Variants in SH3KBP1 observed in about 807,000 individuals in gnomAD.
SH3KBP1 encodes SH3 domain-containing kinase-binding protein 1.
In SH3KBP1, 8 loss-of-function variants were observed where a neutral mutation model predicts 50.1. The ratio of observed to expected loss-of-function variants is 0.16; its 90% CI spans 0.09 to 0.29. The LOEUF (loss-of-function observed/expected upper bound fraction) is 0.29. Among genes scored for constraint, SH3KBP1 ranks in the 10% least tolerant of loss-of-function variants. SH3KBP1 has a pLI of 1.00. For missense variants in SH3KBP1, 377 were observed against 535.2 expected (o/e 0.70, Z 2.92); for synonymous variants, 227 against 218.6 (o/e 1.04, Z -0.34).
chrX:19,580,686 G>A (rs1447684900), intron 12 of SH3KBP1, among the ~76,000 whole-genome samples: 2 of 111,373 alleles, frequency 1.8e-5, no homozygotes, highest in Non-Finnish European at 3.8e-5. Context: ...CCCGTGATTC[G>A]GATGCACGCC....
intron 8 of SH3KBP1, among the ~76,000 whole-genome samples, chrX:19,616,832 G>A (rs1222860766): frequency 1.8e-5 from 2 of 110,795 alleles, no homozygotes; most frequent in Admixed American, 9.6e-5. Context: ...ATAGCACCTC[G>A]TGTTTTTCTA....
intron 9 of SH3KBP1, among the ~76,000 whole-genome samples, chrX:19,596,156 G>C (rs1000381600): frequency 9.0e-6 from 1 of 111,502 alleles, no homozygotes; most frequent in African/African-American, 3.3e-5. Context: ...GTGAAGTTCT[G>C]CCAGTTAACC....
chrX:19,577,369 G>A (rs1320146407), intron 12 of SH3KBP1, among the ~76,000 whole-genome samples: 1 of 111,843 alleles, frequency 8.9e-6, no homozygotes, highest in Non-Finnish European at 1.9e-5. Flanking sequence ...CTTGGAGACA[G>A]TGAGTTATCA....
intron 2 of SH3KBP1, among the ~76,000 whole-genome samples, chrX:19,826,727 T>C (rs1353073403): frequency 9.1e-6 from 1 of 109,560 alleles, no homozygotes; most frequent in Non-Finnish European, 1.9e-5. Context: ...TAACATAACA[T>C]AACATAACAT....
intron 3 of SH3KBP1, 137 bp from the exon 4 acceptor site, chrX:19,707,121 C>T (rs375529736): frequency 3.5e-6 from 2 of 574,159 alleles, no homozygotes; most frequent in Non-Finnish European, 6.3e-6. Context: ...TGAGGCACGG[C>T]AGCCCTGGTC....
intron 13 of SH3KBP1, among the ~76,000 whole-genome samples, chrX:19,557,110 G>T (rs1436478309): frequency 8.9e-6 from 1 of 112,370 alleles, no homozygotes; most frequent in Non-Finnish European, 1.9e-5. Flanking sequence ...CAAAGAAAGA[G>T]ATGGAGGGCC....
intron 13 of SH3KBP1, among the ~76,000 whole-genome samples, chrX:19,554,011 TA>T (rs1208842218): frequency 3.0e-5 from 2 of 66,708 alleles, no homozygotes; most frequent in African/African-American, 1.6e-4. Flanking sequence ...AAATATAATA[TA>T]TAATATATAT....
intron 7 of SH3KBP1, among the ~76,000 whole-genome samples, chrX:19,644,668 C>A (rs1402072276): frequency 1.8e-5 from 2 of 112,005 alleles, no homozygotes; most frequent in Non-Finnish European, 3.8e-5. Context: ...ATGAAGAGAG[C>A]AATGAAAGTA....
chrX:19,760,862 T>C (rs1327350420), intron 2 of SH3KBP1, among the ~76,000 whole-genome samples: 5 of 110,207 alleles, frequency 4.5e-5, no homozygotes, highest in Non-Finnish European at 3.8e-5. Context: ...GATGGTTGAA[T>C]GCTAAAAGGA....
Position 19,774,559 on chromosome X carries a change from T to C in SH3KBP1, c.163-28118A>G, listed in dbSNP as rs1267623749. ...GGTGGCAGGCGCCAGGAGTCCCAGC[T>C]ACTCAGGAGGCTGAGGCAGGAGAAT... On this transcript the variant is annotated intron_variant, in intron 2 of 17. Coordinates refer to ENST00000397821, the MANE Select transcript of SH3KBP1 (RefSeq NM_031892.3). Among the ~76,000 whole-genome samples, 3 of 107,370 alleles carry C rather than the reference T, an allele frequency of 2.8e-5. No individual in the cohort carries two copies. In the Admixed American group the frequency reaches 3.0e-4, roughly 11 times the overall value. 93.2% of individuals were successfully genotyped at this position (107,370 alleles called of 115,157 possible).
chrX:19,657,347 T>C (rs2062307952), intron 6 of SH3KBP1, among the ~76,000 whole-genome samples: 1 of 99,007 alleles, frequency 1.0e-5, no homozygotes, highest in Non-Finnish European at 2.0e-5. Context: ...GCCACTGCAC[T>C]CCAGCCTGGG....
intron 2 of SH3KBP1, among the ~76,000 whole-genome samples, chrX:19,812,907 G>A (rs764673015): frequency 4.5e-5 from 5 of 110,477 alleles, no homozygotes; most frequent in East Asian, 2.8e-4. Flanking sequence ...CCCGGGAGGC[G>A]GAGGTTGCTG....
intron 1 of SH3KBP1, among the ~76,000 whole-genome samples, chrX:19,870,154 C>A (rs1317803508): frequency 8.9e-6 from 1 of 111,879 alleles, no homozygotes; most frequent in Admixed American, 9.4e-5. Flanking sequence ...TAAAAACAAG[C>A]AAAACCAGAC....
chrX:19,625,327 G>A (rs898304626), intron 8 of SH3KBP1, among the ~76,000 whole-genome samples: 1 of 110,516 alleles, frequency 9.0e-6, no homozygotes, highest in African/African-American at 3.3e-5. Context: ...CAGGACTCCC[G>A]CCTGCATTTT....
chrX:19,566,926 C>T (rs1235682820), intron 13 of SH3KBP1, among the ~76,000 whole-genome samples: 1 of 111,311 alleles, frequency 9.0e-6, no homozygotes, highest in Non-Finnish European at 1.9e-5. Context: ...CAGAGGAAAA[C>T]AGCACCCAAA....
At chrX:19,668,996 T>C (rs772381460) in intron 6 of SH3KBP1, among the ~76,000 whole-genome samples, 5 of 87,251 alleles carry the variant, frequency 5.7e-5, no homozygotes, top group African/African-American at 2.0e-4. Context: ...AGGCTGTCAC[T>C]CTGTCACCCA....
At chrX:19,839,974 C>T (rs1479802150) in intron 1 of SH3KBP1, among the ~76,000 whole-genome samples, 2 of 112,474 alleles carry the variant, frequency 1.8e-5, no homozygotes, top group Non-Finnish European at 3.8e-5. Flanking sequence ...TCACATTTTG[C>T]AAATTGAGTC....
At chrX:19,626,431 G>A (rs1218046663) in intron 8 of SH3KBP1, among the ~76,000 whole-genome samples, 5 of 111,571 alleles carry the variant, frequency 4.5e-5, no homozygotes, top group African/African-American at 6.6e-5. Context: ...CGAACATTGT[G>A]AGGGGAAGAG....
intron 2 of SH3KBP1, among the ~76,000 whole-genome samples, chrX:19,764,733 G>A (rs2065538397): frequency 9.1e-6 from 1 of 110,194 alleles, no homozygotes; most frequent in South Asian, 3.9e-4. Context: ...CGGGGGTAGT[G>A]TTAAAGATGG....
Sources: allele counts gnomAD v4.1 joint callset (sites outside exome capture counted in the v4.1 genomes callset), GRCh38; gene constraint gnomAD v4.1.1; transcripts MANE v1.5; gene names NCBI Gene and HGNC (gene_info 2026-07-23, HGNC 2026-07-21).